CACNA2D3: variants seen among roughly 807,000 people sequenced by gnomAD.
CACNA2D3 encodes voltage-dependent calcium channel subunit alpha-2/delta-3.
CACNA2D3 carries 60 observed loss-of-function variants against 160.6 expected under a neutral mutation model. That is an observed-to-expected ratio of 0.37 (90% CI 0.30 to 0.46). The LOEUF is 0.46. CACNA2D3 is among the 20% of genes least tolerant of loss of function. The pLI, the probability that CACNA2D3 is intolerant of heterozygous loss-of-function variation, is 1.00. For missense variants in CACNA2D3, 1,205 were observed against 1,365.0 expected (o/e 0.88, Z 1.85); for synonymous variants, 558 against 492.9 (o/e 1.13, Z -1.75).
At chr3:54,745,505 A>C (rs536751493) in intron 11 of CACNA2D3, among the ~76,000 whole-genome samples, 1 of 152,392 alleles carries the variant, frequency 6.6e-6, no homozygotes, top group African/African-American at 2.4e-5. Flanking sequence ...CTCAGACATC[A>C]GAGCAATAAT....
rs1054776007 is a variant in CACNA2D3 at position 54,207,382 on chromosome 3, G to C, written c.204+83788G>C. On this transcript the variant is annotated intron_variant, in intron 2 of 37. Coordinates refer to ENST00000474759, the MANE Select transcript of CACNA2D3 (RefSeq NM_018398.3). ...CAGAGCTGGGCTTGCCCGTGACCTGGAACCACTGTGTCCTCTGTGTGATTT... is the reference window on the plus strand; with the variant it reads ...CAGAGCTGGGCTTGCCCGTGACCTGCAACCACTGTGTCCTCTGTGTGATTT... Among the ~76,000 whole-genome samples the C allele has an allele frequency of 1.1e-4, 17 of 150,718 alleles. 3 individuals are homozygous for C. The highest frequency in any genetic ancestry group is 4.2e-4 in the African/African-American group (17 of 40,828).
chr3:54,566,655 G>T (rs1203859393), intron 6 of CACNA2D3, among the ~76,000 whole-genome samples: 1 of 152,186 alleles, frequency 6.6e-6, no homozygotes, highest in East Asian at 1.9e-4. Context: ...TTAGGTTCAT[G>T]CATGATTATA....
intron 35 of CACNA2D3, among the ~76,000 whole-genome samples, chr3:55,024,243 G>T (rs746839658): frequency 5.3e-5 from 8 of 150,598 alleles, no homozygotes; most frequent in Non-Finnish European, 1.0e-4. Context: ...TGATTTGGGG[G>T]ATTATAATAG....
intron 27 of CACNA2D3, chr3:54,925,316 G>A: frequency 1.0e-6 from 1 of 967,750 alleles, no homozygotes; most frequent in South Asian, 1.6e-5. Flanking sequence ...TTTCCAGCCA[G>A]GTGAAACCTT....
chr3:54,951,205 G>A (rs1701747734), intron 27 of CACNA2D3, among the ~76,000 whole-genome samples: 1 of 152,184 alleles, frequency 6.6e-6, no homozygotes, highest in Non-Finnish European at 1.5e-5. Context: ...GTAGCTAGAT[G>A]CTTGTGCTGC....
intron 9 of CACNA2D3, among the ~76,000 whole-genome samples, chr3:54,595,989 C>G (rs1702946313): frequency 6.6e-6 from 1 of 152,050 alleles, no homozygotes; most frequent in Admixed American, 6.6e-5. Flanking sequence ...ACTTGGCATA[C>G]AATTTTAACC....
chr3:54,740,070 T>G (rs542387679), intron 11 of CACNA2D3, among the ~76,000 whole-genome samples: 1 of 151,642 alleles, frequency 6.6e-6, no homozygotes, highest in South Asian at 2.1e-4. Context: ...ATGGGAAACA[T>G]AAAACAGAAA....
intron 35 of CACNA2D3, among the ~76,000 whole-genome samples, chr3:55,022,135 TTA>T: frequency 6.6e-6 from 1 of 152,286 alleles, no homozygotes; most frequent in South Asian, 2.1e-4. Context: ...TATTTTGAAG[TTA>T]TGTTACTTAC....
intron 8 of CACNA2D3, among the ~76,000 whole-genome samples, chr3:54,579,317 GC>G (rs1332270356): frequency 1.3e-5 from 2 of 152,090 alleles, no homozygotes; most frequent in Non-Finnish European, 2.9e-5. Flanking sequence ...ATCTTCAGGG[GC>G]CCACACTGGC....
intron 2 of CACNA2D3, among the ~76,000 whole-genome samples, chr3:54,243,690 C>A (rs1009601045): frequency 6.6e-6 from 1 of 152,174 alleles, no homozygotes; most frequent in Non-Finnish European, 1.5e-5. Flanking sequence ...ATACAGCGTC[C>A]TGGAGGAGGC....
At chr3:54,922,522 G>T (rs1275956175) in intron 27 of CACNA2D3, among the ~76,000 whole-genome samples, 1 of 151,914 alleles carries the variant, frequency 6.6e-6, no homozygotes, top group African/African-American at 2.4e-5. Context: ...CTTGAATGTC[G>T]ACTGGATATT....
intron 35 of CACNA2D3, among the ~76,000 whole-genome samples, chr3:55,035,448 A>C (rs1703791944): frequency 6.6e-6 from 1 of 152,204 alleles, no homozygotes; most frequent in Non-Finnish European, 1.5e-5. Context: ...GCAACATGAA[A>C]AATTGTTGAG....
intron 13 of CACNA2D3, among the ~76,000 whole-genome samples, chr3:54,795,312 A>T (rs1256381867): frequency 6.6e-6 from 1 of 151,724 alleles, no homozygotes; most frequent in Non-Finnish European, 1.5e-5. Flanking sequence ...GTTTTCTTTT[A>T]AGTCTTTTAT....
intron 13 of CACNA2D3, among the ~76,000 whole-genome samples, chr3:54,797,643 C>CA: frequency 6.6e-6 from 1 of 152,226 alleles, no homozygotes; most frequent in South Asian, 2.1e-4. Flanking sequence ...TAGCAAAGCA[C>CA]AAAACATGAT....
At chr3:54,558,326 C>T (rs1013218855) in intron 5 of CACNA2D3, among the ~76,000 whole-genome samples, 4 of 152,148 alleles carry the variant, frequency 2.6e-5, no homozygotes, top group African/African-American at 9.7e-5. Flanking sequence ...GGAACAGCCC[C>T]ATCAATGGCA....
chr3:54,633,351 CTG>C (rs1485023276), intron 10 of CACNA2D3, among the ~76,000 whole-genome samples: 22 of 152,188 alleles, frequency 1.4e-4, no homozygotes, highest in Admixed American at 1.4e-3. Flanking sequence ...GCTAATCTCT[CTG>C]TGCCTTAGTT....
At chr3:54,591,758 A>G (rs1003610103) in intron 9 of CACNA2D3, among the ~76,000 whole-genome samples, 2 of 151,954 alleles carry the variant, frequency 1.3e-5, no homozygotes, top group African/African-American at 4.8e-5. Flanking sequence ...CTTTGAGTCC[A>G]TTTTCTCACA....
At chr3:54,968,936 G>C (rs1702214553) in intron 28 of CACNA2D3, among the ~76,000 whole-genome samples, 1 of 152,024 alleles carries the variant, frequency 6.6e-6, no homozygotes, top group Non-Finnish European at 1.5e-5. Flanking sequence ...TGTTCACAGG[G>C]TCTACCTTGG....
intron 32 of CACNA2D3, among the ~76,000 whole-genome samples, chr3:55,006,099 C>G (rs1281759765): frequency 1.3e-5 from 2 of 152,188 alleles, no homozygotes; most frequent in African/African-American, 4.8e-5. Flanking sequence ...CTATGTCTTT[C>G]TAACCCAACT....
Sources: gnomAD v4.1 joint callset for allele counts (sites outside exome capture counted in the v4.1 genomes callset) on GRCh38, gnomAD v4.1.1 for gene constraint, MANE v1.5 for transcripts, NCBI Gene and HGNC (gene_info 2026-07-23, HGNC 2026-07-21) for gene names.